ESYT2: variants seen among roughly 807,000 people sequenced by gnomAD.
ESYT2 encodes extended synaptotagmin-2.
Under a neutral mutation model 107.2 loss-of-function variants are expected in ESYT2, and 54 were observed. That is an observed-to-expected ratio of 0.50 (90% CI 0.40 to 0.63). ESYT2 has a LOEUF of 0.63. Ranked by LOEUF, ESYT2 falls within the 30% of genes least tolerant of loss-of-function variation. ESYT2 has a pLI of 0.00. For missense variants in ESYT2, 1,020 were observed against 1,094.5 expected, an observed-to-expected ratio of 0.93 and a Z score of 0.96; for synonymous variants, 491 against 434.1, an observed-to-expected ratio of 1.13 and a Z score of -1.63.
chr7:158,763,375 A>G (rs189024970), intron 9 of ESYT2, among the ~76,000 whole-genome samples: 38 of 151,950 alleles, frequency 2.5e-4, no homozygotes, highest in South Asian at 8.4e-4. Context: ...GCTCACTGCA[A>G]CCTCCGCCTC....
intron 1 of ESYT2, among the ~76,000 whole-genome samples, chr7:158,828,739 G>T (rs1840530764): frequency 6.6e-6 from 1 of 152,142 alleles, no homozygotes; most frequent in Admixed American, 6.5e-5. Flanking sequence ...AGGTTCGCAG[G>T]GAGTGGGCCG....
At position 158,829,141 on chromosome 7, in the gene ESYT2, T is replaced by C; in HGVS notation, c.278A>G (p.Asp93Gly). ...CCCCAGGCGCACGACGCGCTCCTCG[T>C]CTTCCAGCAGCGCCAGCGCGCGGCA... ...RLCRALALLE[D>G]EERVVRLGVR... The change falls in exon 1 of 23, where the codon GAC (aspartate) becomes GGC (glycine). Residue 93 changes from aspartate to glycine, a missense_variant. Coordinates refer to ENST00000275418, the MANE Select transcript of ESYT2 (RefSeq NM_001367773.1). 2 of 1,568,640 alleles carry C rather than the reference T, an allele frequency of 1.3e-6. No homozygotes were observed. The highest frequency in any genetic ancestry group is 1.7e-6 in the Non-Finnish European group (2 of 1,166,448).
chr7:158,766,035 T>TA (rs1838152452), intron 8 of ESYT2, among the ~76,000 whole-genome samples: 2 of 151,656 alleles, frequency 1.3e-5, no homozygotes, highest in Admixed American at 1.3e-4. Context: ...CCATCTCTAC[T>TA]AAAAAACAAA....
chr7:158,757,734 G>A (rs1837812399), intron 13 of ESYT2, among the ~76,000 whole-genome samples: 1 of 149,624 alleles, frequency 6.7e-6, no homozygotes, highest in South Asian at 2.1e-4. Context: ...TTTAACAGAA[G>A]ATCAATACAG....
chr7:158,739,011 C>A lies in ESYT2; in HGVS notation c.2267+12G>T. On this transcript the variant is annotated intron_variant, in intron 19 of 22. Coordinates refer to ENST00000275418, the MANE Select transcript of ESYT2 (RefSeq NM_001367773.1). ...CAGCACAGCAGCGGGCGCGTGGGAC[C>A]CCAGCCCCCACCTGCAGGCATGCAC... 1.9e-6 allele frequency: 3 copies of A among 1,613,652 alleles called. No individual in the cohort carries two copies. The highest frequency in any genetic ancestry group is 1.1e-5 in the South Asian group (1 of 91,054).
At chr7:158,824,959 G>C (rs1840396527) in intron 1 of ESYT2, among the ~76,000 whole-genome samples, 2 of 152,276 alleles carry the variant, frequency 1.3e-5, no homozygotes, top group Non-Finnish European at 2.9e-5. Flanking sequence ...GAGCCCAAGA[G>C]TTCAAGCCTG....
At chr7:158,777,963 G>A (rs1584832315) in intron 6 of ESYT2, among the ~76,000 whole-genome samples, 1 of 152,164 alleles carries the variant, frequency 6.6e-6, no homozygotes, top group Non-Finnish European at 1.5e-5. Context: ...TTTTCACAGG[G>A]CTGCCATAAA....
chr7:158,763,356 A>G (rs966603503), intron 9 of ESYT2, among the ~76,000 whole-genome samples, 191 bp from the exon 10 acceptor site: 1 of 152,030 alleles, frequency 6.6e-6, no homozygotes, highest in African/African-American at 2.4e-5. Context: ...GTGCAGTGGC[A>G]CAATCTTGGC....
At chr7:158,754,379 T>C (rs1837683441) in intron 13 of ESYT2, among the ~76,000 whole-genome samples, 1 of 151,482 alleles carries the variant, frequency 6.6e-6, no homozygotes, top group African/African-American at 2.4e-5. Flanking sequence ...GCTAATTTTT[T>C]GTATTTTTTT....
intron 1 of ESYT2, among the ~76,000 whole-genome samples, chr7:158,826,758 T>C (rs1171746149): frequency 7.0e-6 from 1 of 142,288 alleles, no homozygotes; most frequent in Non-Finnish European, 1.5e-5. Flanking sequence ...GAGGCGGAGG[T>C]TGCAGTGAGT....
chr7:158,789,436 A>T (rs1363685562), intron 4 of ESYT2, among the ~76,000 whole-genome samples: 1 of 152,052 alleles, frequency 6.6e-6, no homozygotes, highest in Admixed American at 6.6e-5. Flanking sequence ...GACTCACTGC[A>T]ACGGCCGCTA....
chr7:158,806,132 G>GCGC (rs71200064), intron 1 of ESYT2, among the ~76,000 whole-genome samples: 8 of 147,626 alleles, frequency 5.4e-5, no homozygotes, highest in South Asian at 2.1e-4. Flanking sequence ...CGCGTGGGAG[G>GCGC]TGCCGGGGCA....
At chr7:158,812,848 T>C (rs780774696) in intron 1 of ESYT2, among the ~76,000 whole-genome samples, 3 of 152,186 alleles carry the variant, frequency 2.0e-5, no homozygotes, top group Non-Finnish European at 4.4e-5. Flanking sequence ...ACATATTACA[T>C]GCCTCCGTTT....
intron 3 of ESYT2, among the ~76,000 whole-genome samples, chr7:158,794,445 G>A (rs1001692973): frequency 2.3e-4 from 35 of 152,254 alleles, no homozygotes; most frequent in Middle Eastern, 3.2e-3. Flanking sequence ...AGTGAGCTAT[G>A]ATTGTGCCAC....
At chr7:158,754,623 A>G (rs755203041) in intron 13 of ESYT2, among the ~76,000 whole-genome samples, 17 of 152,196 alleles carry the variant, frequency 1.1e-4, no homozygotes, top group Non-Finnish European at 2.4e-4. Flanking sequence ...TGTTTAAGGC[A>G]TTAGTGCAAA....
chr7:158,827,391 G>A (rs937437961), intron 1 of ESYT2, among the ~76,000 whole-genome samples: 45 of 152,138 alleles, frequency 3.0e-4, no homozygotes, highest in African/African-American at 1.1e-3. Context: ...GTGTAATATA[G>A]ACACAAAACG....
intron 20 of ESYT2, 112 bp downstream of exon 20, chr7:158,736,936 A>C: frequency 7.0e-7 from 1 of 1,426,844 alleles, no homozygotes; most frequent in Non-Finnish European, 9.5e-7. Context: ...TTCTGATTGA[A>C]CTTCTCAACA....
intron 3 of ESYT2, among the ~76,000 whole-genome samples, chr7:158,796,745 C>G (rs1014856967): frequency 6.6e-6 from 1 of 152,108 alleles, no homozygotes; most frequent in Non-Finnish European, 1.5e-5. Flanking sequence ...GAGAGGGAAG[C>G]AGGACGGTCT....
At chr7:158,828,289 A>G (rs10240691) in intron 1 of ESYT2, among the ~76,000 whole-genome samples, 2,334 of 152,360 alleles carry the variant, frequency 0.015, 61 homozygotes, top group African/African-American at 0.053. Flanking sequence ...TTTAAAAAAC[A>G]GAGAGAAGGA....
Sources: allele counts gnomAD v4.1 joint callset (sites outside exome capture counted in the v4.1 genomes callset), GRCh38; gene constraint gnomAD v4.1.1; transcripts MANE v1.5; gene names NCBI Gene and HGNC (gene_info 2026-07-23, HGNC 2026-07-21).